Variants in CCDC148 observed in about 807,000 individuals in gnomAD.
The protein encoded by CCDC148 is coiled-coil domain-containing protein 148.
Under a neutral mutation model 85.7 loss-of-function variants are expected in CCDC148, and 89 were observed. The ratio of observed to expected loss-of-function variants is 1.04; its 90% CI spans 0.87 to 1.24. The LOEUF is 1.24. Among genes scored for constraint, CCDC148 ranks in the 50% most tolerant of loss-of-function variants. The pLI is 0.00. For synonymous variants in CCDC148, 230 were observed against 213.9 expected, an observed-to-expected ratio of 1.08 and a Z score of -0.66; for missense variants, 692 against 671.7, an observed-to-expected ratio of 1.03 and a Z score of -0.33.
At chr2:158,366,850 C>T (rs890071133) in intron 1 of CCDC148, among the ~76,000 whole-genome samples, 3 of 152,284 alleles carry the variant, frequency 2.0e-5, no homozygotes, top group South Asian at 4.1e-4. Context: ...AATAACAGTA[C>T]TCACTTTTCA....
intron 1 of CCDC148, among the ~76,000 whole-genome samples, chr2:158,386,465 A>G (rs923443130): frequency 2.0e-5 from 3 of 152,150 alleles, no homozygotes; most frequent in Non-Finnish European, 4.4e-5. Context: ...TTAACCATAT[A>G]CAATGTGGTT....
chr2:158,358,627 C>CA (rs1683783221), intron 1 of CCDC148, 57 bp from the exon 2 acceptor site: 1 of 1,272,436 alleles, frequency 7.9e-7, no homozygotes, highest in Non-Finnish European at 1.0e-6. Context: ...TATTGGAAGT[C>CA]AAAATATAAT....
At chr2:158,205,631 T>G (rs1191795659) in intron 11 of CCDC148, among the ~76,000 whole-genome samples, 1 of 144,934 alleles carries the variant, frequency 6.9e-6, no homozygotes, top group East Asian at 2.0e-4. Context: ...ATACAGATTT[T>G]CTTACTCCAC....
At chr2:158,396,399 A>G (rs1321478864) in intron 1 of CCDC148, among the ~76,000 whole-genome samples, 2 of 152,064 alleles carry the variant, frequency 1.3e-5, no homozygotes, top group African/African-American at 4.8e-5. Flanking sequence ...ACTGAGGAAG[A>G]ATGTCAGTTG....
At chr2:158,403,631 AT>A (rs1220944682) in intron 1 of CCDC148, among the ~76,000 whole-genome samples, 1 of 152,116 alleles carries the variant, frequency 6.6e-6, no homozygotes, top group African/African-American at 2.4e-5. Flanking sequence ...TTAAATTGGC[AT>A]TTAGTACAAA....
intron 3 of CCDC148, among the ~76,000 whole-genome samples, chr2:158,343,353 C>A: frequency 6.6e-6 from 1 of 152,146 alleles, no homozygotes; most frequent in Non-Finnish European, 1.5e-5. Context: ...TATTTATGAT[C>A]TACAAATTAA....
intron 7 of CCDC148, among the ~76,000 whole-genome samples, chr2:158,328,141 A>G (rs1692883676): frequency 6.6e-6 from 1 of 151,976 alleles, no homozygotes; most frequent in African/African-American, 2.4e-5. Flanking sequence ...CATTAGGTAT[A>G]TCACCTAATG....
chr2:158,285,948 G>A (rs935114126), intron 9 of CCDC148, among the ~76,000 whole-genome samples: 2 of 152,054 alleles, frequency 1.3e-5, no homozygotes, highest in African/African-American at 2.4e-5. Flanking sequence ...AACCAGTACA[G>A]CAAGGCAATA....
intron 1 of CCDC148, chr2:158,393,094 AC>A (rs1480592138): frequency 2.0e-5 from 3 of 152,124 alleles, no homozygotes; most frequent in Admixed American, 2.0e-4. Flanking sequence ...TCCTCTTAAA[AC>A]CAGATAAAAA....
chr2:158,430,027 A>G (rs1203534664), intron 1 of CCDC148, among the ~76,000 whole-genome samples: 1 of 152,216 alleles, frequency 6.6e-6, no homozygotes, highest in African/African-American at 2.4e-5. Flanking sequence ...ATAAATCTGC[A>G]TGTGGCTCTT....
chr2:158,382,445 TG>T (rs1684912170), intron 1 of CCDC148, among the ~76,000 whole-genome samples: 2 of 152,098 alleles, frequency 1.3e-5, no homozygotes, highest in African/African-American at 4.8e-5. Flanking sequence ...TCCTGTCCAA[TG>T]GGAAATGTGT....
intron 9 of CCDC148, among the ~76,000 whole-genome samples, chr2:158,266,942 ATG>A (rs1379956771): frequency 2.0e-5 from 3 of 150,402 alleles, no homozygotes; most frequent in Admixed American, 6.7e-5. Context: ...ACACATATAT[ATG>A]TGTGTGTGTA....
At chr2:158,227,347 G>T (rs543417523) in intron 10 of CCDC148, among the ~76,000 whole-genome samples, 1 of 151,652 alleles carries the variant, frequency 6.6e-6, no homozygotes, top group African/African-American at 2.4e-5. Flanking sequence ...CTCATGGGTA[G>T]GAAGAATCAA....
chr2:158,174,451 C>A (rs1368770826), intron 13 of CCDC148, among the ~76,000 whole-genome samples: 1 of 152,030 alleles, frequency 6.6e-6, no homozygotes, highest in Admixed American at 6.6e-5. Flanking sequence ...CACCCCAACC[C>A]ATGCCCACCC....
intron 10 of CCDC148, among the ~76,000 whole-genome samples, chr2:158,221,648 G>A (rs1574430379): frequency 6.6e-6 from 1 of 152,168 alleles, no homozygotes; most frequent in East Asian, 1.9e-4. Flanking sequence ...GAAAATCTAA[G>A]TGGTTTCCTG....
intron 1 of CCDC148, among the ~76,000 whole-genome samples, chr2:158,395,675 T>A (rs1685490790): frequency 6.6e-6 from 1 of 152,146 alleles, no homozygotes; most frequent in Non-Finnish European, 1.5e-5. Context: ...CACAGCAATA[T>A]GTCACTGTAA....
intron 5 of CCDC148, among the ~76,000 whole-genome samples, chr2:158,339,442 AT>A (rs1175358226): frequency 7.9e-5 from 12 of 152,150 alleles, no homozygotes; most frequent in African/African-American, 2.7e-4. Context: ...ATACATTTAT[AT>A]TTTTTATGAG....
intron 1 of CCDC148, among the ~76,000 whole-genome samples, chr2:158,415,423 A>T (rs1200984162): frequency 6.6e-6 from 1 of 152,164 alleles, no homozygotes; most frequent in Non-Finnish European, 1.5e-5. Flanking sequence ...ACAATTCAAC[A>T]TGAGATTTGG....
chr2:158,456,583 C>T lies in CCDC148; in HGVS notation c.-144G>A. 9.6e-7 allele frequency: 1 copy of T among 1,040,680 alleles called. No homozygotes were observed. Among genetic ancestry groups the T allele is most frequent in the Non-Finnish European group, 1.4e-6 (1 of 725,798 alleles). 64.5% of individuals were successfully genotyped at this position (1,040,680 alleles called of 1,614,324 possible). On this transcript the variant is annotated 5_prime_UTR_variant, in exon 1 of 14. The change creates a new upstream start codon in the 5' untranslated region. Transcript: ENST00000283233. ...CGCCAGGGACAAACCCTACCAGGCA[C>T]AGTTGGGATTGGCAGTAAGGCAAGG...
Sources: gnomAD v4.1 joint callset for allele counts (sites outside exome capture counted in the v4.1 genomes callset) on GRCh38, gnomAD v4.1.1 for gene constraint, MANE v1.5 for transcripts, NCBI Gene and HGNC (gene_info 2026-07-23, HGNC 2026-07-21) for gene names.